The following MAML3 variants were observed in gnomAD, a reference collection of about 807,000 sequenced individuals.
MAML3 encodes the protein mastermind-like protein 3.
In MAML3, 27 loss-of-function variants were observed where a neutral mutation model predicts 101.9. The ratio of observed to expected loss-of-function variants is 0.27; its 90% CI spans 0.20 to 0.37. The LOEUF (loss-of-function observed/expected upper bound fraction) is 0.37, where lower values mean the gene tolerates loss of function less well. MAML3 is among the 10% of genes least tolerant of loss of function. The pLI, the probability that MAML3 is intolerant of heterozygous loss-of-function variation, is 1.00. For missense variants in MAML3, 1,316 were observed against 1,444.9 expected (o/e 0.91, Z 1.45); for synonymous variants, 501 against 555.9 (o/e 0.90, Z 1.39).
intron 2 of MAML3, among the ~76,000 whole-genome samples, chr4:139,763,670 G>A (rs1729800618): frequency 6.6e-6 from 1 of 152,202 alleles, no homozygotes; most frequent in Non-Finnish European, 1.5e-5. Context: ...TGGACTGAGA[G>A]GGTATATTTA....
chr4:140,009,827 T>C (rs974811606), intron 1 of MAML3, among the ~76,000 whole-genome samples: 1 of 152,248 alleles, frequency 6.6e-6, no homozygotes, highest in Non-Finnish European at 1.5e-5. Flanking sequence ...GGTACTTAGA[T>C]TCACAGGAAT....
At chr4:140,074,232 A>AGAAAGAAG (rs1241973460) in intron 1 of MAML3, among the ~76,000 whole-genome samples, 7 of 144,972 alleles carry the variant, frequency 4.8e-5, no homozygotes, top group African/African-American at 1.5e-4. Flanking sequence ...AAAGAAAGAA[A>AGAAAGAAG]GAAAGAAAGA....
chr4:139,763,610 T>C (rs1445782194), intron 2 of MAML3, among the ~76,000 whole-genome samples: 1 of 78,252 alleles, frequency 1.3e-5, no homozygotes, highest in Non-Finnish European at 3.6e-5. Context: ...TGTTCAGCAT[T>C]GGATTAAAAA....
chr4:140,071,693 A>G (rs1727656363), intron 1 of MAML3, among the ~76,000 whole-genome samples: 1 of 151,638 alleles, frequency 6.6e-6, no homozygotes, highest in Non-Finnish European at 1.5e-5. Context: ...ATCAGCGTAC[A>G]TTCTCTTTCA....
intron 1 of MAML3, among the ~76,000 whole-genome samples, chr4:139,893,301 T>C (rs1004118569): frequency 6.6e-6 from 1 of 152,174 alleles, no homozygotes; most frequent in Non-Finnish European, 1.5e-5. Context: ...TCTTCTCTTA[T>C]ACTCTTCTCC....
intron 1 of MAML3, among the ~76,000 whole-genome samples, chr4:139,915,145 G>A (rs1426599947): frequency 6.6e-6 from 1 of 152,146 alleles, no homozygotes; most frequent in African/African-American, 2.4e-5. Flanking sequence ...AAATATTCTG[G>A]ATAGTTTATT....
At chr4:139,940,154 A>G (rs948404041) in intron 1 of MAML3, among the ~76,000 whole-genome samples, 1 of 152,020 alleles carries the variant, frequency 6.6e-6, no homozygotes, top group East Asian at 1.9e-4. Flanking sequence ...GCTCTTTCAC[A>G]TTGTTTCAAA....
intron 2 of MAML3, among the ~76,000 whole-genome samples, chr4:139,875,277 G>T (rs1002558464): frequency 6.6e-6 from 1 of 152,148 alleles, no homozygotes; most frequent in Admixed American, 6.5e-5. Context: ...CTCCTTATAT[G>T]ATCCTACCTG....
At chr4:140,034,127 G>A (rs935488262) in intron 1 of MAML3, among the ~76,000 whole-genome samples, 1 of 152,192 alleles carries the variant, frequency 6.6e-6, no homozygotes, top group East Asian at 1.9e-4. Context: ...ATTCCATGAG[G>A]TAAGCCAGAC....
At chr4:139,796,761 C>T (rs987650750) in intron 2 of MAML3, among the ~76,000 whole-genome samples, 2 of 152,076 alleles carry the variant, frequency 1.3e-5, no homozygotes, top group Non-Finnish European at 2.9e-5. Context: ...AAAAAGGTTA[C>T]AATATATATG....
At chr4:139,941,806 A>G (rs1173948299) in intron 1 of MAML3, among the ~76,000 whole-genome samples, 1 of 152,102 alleles carries the variant, frequency 6.6e-6, no homozygotes. Context: ...TAACTGAAGG[A>G]ATTACACAAT....
chr4:139,883,078 T>TG (rs1732250155), intron 2 of MAML3, among the ~76,000 whole-genome samples: 1 of 151,978 alleles, frequency 6.6e-6, no homozygotes, highest in Non-Finnish European at 1.5e-5. Context: ...CACAGAACGG[T>TG]GGTGAAACGT....
intron 2 of MAML3, among the ~76,000 whole-genome samples, chr4:139,755,944 T>A (rs538372322): frequency 6.6e-6 from 1 of 152,344 alleles, no homozygotes; most frequent in East Asian, 1.9e-4. Flanking sequence ...AAATTTGAAG[T>A]TAAATTTCTA....
At chr4:140,087,034 C>T (rs1381447129) in intron 1 of MAML3, among the ~76,000 whole-genome samples, 1 of 152,148 alleles carries the variant, frequency 6.6e-6, no homozygotes, top group Non-Finnish European at 1.5e-5. Flanking sequence ...GTGGTGCGTG[C>T]CTGTAACCCC....
rs115221367 is a variant in MAML3, at chr4:140,037,328, C to T, written c.468+115532G>A. ...AAGTTCCTCAGGTTAGGTTTTAACACGAATCCTTAGCACATTATTATCTTT... is the reference window on the plus strand; with the variant it reads ...AAGTTCCTCAGGTTAGGTTTTAACATGAATCCTTAGCACATTATTATCTTT... On this transcript the variant is annotated intron_variant, in intron 1 of 4. Coordinates refer to ENST00000509479, the MANE Select transcript of MAML3 (RefSeq NM_018717.5). Among the ~76,000 whole-genome samples, 343 of 151,412 alleles carry T rather than the reference C, an allele frequency of 2.3e-3. 1 individual carries two copies. The Middle Eastern group carries it at 0.024, about 11-fold the overall frequency.
intron 1 of MAML3, among the ~76,000 whole-genome samples, chr4:140,009,685 T>C (rs564530064): frequency 6.6e-6 from 1 of 152,168 alleles, no homozygotes; most frequent in Non-Finnish European, 1.5e-5. Context: ...AACAAATACA[T>C]AAAGAGTACC....
chr4:139,867,172 T>C (rs1455129103), intron 2 of MAML3, among the ~76,000 whole-genome samples: 1 of 152,188 alleles, frequency 6.6e-6, no homozygotes, highest in African/African-American at 2.4e-5. Context: ...CCAATAACCA[T>C]TCCGTCTGGA....
chr4:140,098,561 G>A (rs1159299005), intron 1 of MAML3, among the ~76,000 whole-genome samples: 4 of 152,212 alleles, frequency 2.6e-5, no homozygotes, highest in African/African-American at 9.6e-5. Flanking sequence ...GGACTTCTCA[G>A]GGGCTCTGAA....
chr4:139,771,558 G>A lies in MAML3; in HGVS notation c.2080-40891C>T, dbSNP rs543708009. On this transcript the variant is annotated intron_variant, in intron 2 of 4. Coordinates refer to ENST00000509479, the MANE Select transcript of MAML3 (RefSeq NM_018717.5). The stretch of plus-strand genomic sequence containing the variant: ...ATCATTATTTTTTATGTAAGTATCT[G>A]GGACTACAGGATGTAAAATAAAGGG... Among the ~76,000 whole-genome samples the A allele has an allele frequency of 4.6e-5, 7 of 152,292 alleles. No individual in the cohort carries two copies. In the South Asian group the frequency reaches 1.4e-3, roughly 32 times the overall value.
Sources: gnomAD v4.1 joint callset for allele counts (sites outside exome capture counted in the v4.1 genomes callset) on GRCh38, gnomAD v4.1.1 for gene constraint, MANE v1.5 for transcripts, NCBI Gene and HGNC (gene_info 2026-07-23, HGNC 2026-07-21) for gene names.